The following ABLIM3 variants were observed in gnomAD, a reference collection of about 807,000 sequenced individuals.
ABLIM3 encodes the protein actin-binding LIM protein 3.
Under a neutral mutation model 109.5 loss-of-function variants are expected in ABLIM3, and 61 were observed. That is an observed-to-expected ratio of 0.56 (90% CI 0.45 to 0.69). The LOEUF is 0.69. Ranked by LOEUF, ABLIM3 falls within the 30% of genes least tolerant of loss-of-function variation. The pLI is 0.00. For synonymous variants in ABLIM3, 300 were observed against 324.8 expected, an observed-to-expected ratio of 0.92 and a Z score of 0.82; for missense variants, 796 against 889.5, an observed-to-expected ratio of 0.89 and a Z score of 1.34.
At chr5:149,176,085 CA>C (rs1242909412) in intron 2 of ABLIM3, among the ~76,000 whole-genome samples, 1 of 152,172 alleles carries the variant, frequency 6.6e-6, no homozygotes, top group Non-Finnish European at 1.5e-5. Context: ...TGAAAGGACC[CA>C]GGGGTTCCCA....
In ABLIM3 at chr5:149,186,224, G is replaced by A. The variant is rs1285773792; in HGVS notation, c.151+2635G>A. 2.6e-5 allele frequency among the ~76,000 whole-genome samples: 4 copies of A among 152,056 alleles called. No homozygotes were observed. In the East Asian group the frequency reaches 7.7e-4, roughly 29 times the overall value. On this transcript the variant is annotated intron_variant, in intron 3 of 23. Transcript: ENST00000309868. ...AGGTCAGGAGTTTGAGACCAGCCTGGCCAACATGGTGAAACCCCACCTCTA... is the reference window on the plus strand; with the variant it reads ...AGGTCAGGAGTTTGAGACCAGCCTGACCAACATGGTGAAACCCCACCTCTA...
intron 12 of ABLIM3, 118 bp from the exon 13 acceptor site, chr5:149,239,641 T>G: frequency 7.1e-7 from 1 of 1,416,456 alleles, no homozygotes. Context: ...GGTCTCTGTA[T>G]TCACACCTCA....
At chr5:149,174,857 C>A (rs1241723671) in intron 2 of ABLIM3, 1 of 152,248 alleles carries the variant, frequency 6.6e-6, no homozygotes, top group African/African-American at 2.4e-5. Context: ...CAAATTCTCA[C>A]ATATAAAATG....
chr5:149,181,083 T>G (rs1016346590), intron 2 of ABLIM3, among the ~76,000 whole-genome samples: 12 of 152,192 alleles, frequency 7.9e-5, no homozygotes, highest in Admixed American at 7.2e-4. Flanking sequence ...TTAATGATGA[T>G]GATTGTACTA....
chr5:149,197,397 CCTT>C (rs1056223405), intron 3 of ABLIM3, among the ~76,000 whole-genome samples: 2 of 152,148 alleles, frequency 1.3e-5, no homozygotes, highest in Admixed American at 6.5e-5. Context: ...GACAAGGCTT[CCTT>C]CTTCTACCTC....
chr5:149,258,470 C>G lies in ABLIM3; in HGVS notation c.*66C>G. The G allele has an allele frequency of 1.3e-6, 2 of 1,514,170 alleles. No individual in the cohort carries two copies. The highest frequency in any genetic ancestry group is 2.5e-5 in the East Asian group (1 of 39,942). The allele number at this position is 1,514,170 out of a possible 1,614,324, so 93.8% of individuals were successfully genotyped here. On this transcript the variant is annotated 3_prime_UTR_variant, in exon 24 of 24. Transcript: ENST00000309868. Reference sequence around the variant, plus strand: ...TATGTAAAATCTCTCTACTGAAGCTCGGTATAATCCTCTCTTGTGTAATGG... The same window carrying G: ...TATGTAAAATCTCTCTACTGAAGCTGGGTATAATCCTCTCTTGTGTAATGG...
chr5:149,180,454 G>C (rs1224513282), intron 2 of ABLIM3, among the ~76,000 whole-genome samples: 2 of 152,104 alleles, frequency 1.3e-5, no homozygotes, highest in Non-Finnish European at 2.9e-5. Flanking sequence ...TGGCTTCCAG[G>C]GCAGGAGCAG....
At chr5:149,167,676 G>A (rs1754953999) in intron 2 of ABLIM3, among the ~76,000 whole-genome samples, 1 of 152,094 alleles carries the variant, frequency 6.6e-6, no homozygotes, top group African/African-American at 2.4e-5. Flanking sequence ...TCAGAATTAG[G>A]ACTAGAGAGA....
chr5:149,160,656 GT>G (rs1262835278), intron 2 of ABLIM3, among the ~76,000 whole-genome samples: 1 of 152,144 alleles, frequency 6.6e-6, no homozygotes, highest in Non-Finnish European at 1.5e-5. Flanking sequence ...TGTCACTGTA[GT>G]GTGCTCACTC....
chr5:149,160,866 T>C (rs1427668630), intron 2 of ABLIM3, among the ~76,000 whole-genome samples: 1 of 152,214 alleles, frequency 6.6e-6, no homozygotes, highest in Non-Finnish European at 1.5e-5. Flanking sequence ...GGAATTGTCC[T>C]CCATCTCCAG....
At chr5:149,141,969 G>T (rs908719933) in intron 1 of ABLIM3, 40 bp from the exon 2 acceptor site, 3 of 1,345,248 alleles carry the variant, frequency 2.2e-6, no homozygotes, top group Non-Finnish European at 1.1e-6. Context: ...GAGCACCTGA[G>T]GATACAGAGC....
At chr5:149,192,853 A>G (rs1757628521) in intron 3 of ABLIM3, among the ~76,000 whole-genome samples, 1 of 145,182 alleles carries the variant, frequency 6.9e-6, no homozygotes, top group African/African-American at 2.9e-5. Flanking sequence ...CCTGAATTTC[A>G]AGTCTGTAGA....
chr5:149,142,008 G>A lies in ABLIM3; in HGVS notation c.-87-1G>A. On this transcript the variant is annotated splice_acceptor_variant, in intron 1 of 23. Transcript: ENST00000309868. LOFTEE classifies it low-confidence loss of function (5UTR_SPLICE). Reference sequence around the variant, plus strand: ...CACTGGACTGCCTTTTCACCCCCCAGGTGATGAGTGAGGTTCGAAGAACGG... The same window carrying A: ...CACTGGACTGCCTTTTCACCCCCCAAGTGATGAGTGAGGTTCGAAGAACGG... The A allele has an allele frequency of 2.5e-6, 4 of 1,599,470 alleles. No individual in the cohort carries two copies. The South Asian group carries it at 4.4e-5, about 18-fold the overall frequency.
chr5:149,141,817 A>C, intron 1 of ABLIM3, 163 bp downstream of exon 1: 1 of 511,584 alleles, frequency 2.0e-6, no homozygotes, highest in Non-Finnish European at 3.5e-6. Flanking sequence ...TCTGCCCGGG[A>C]TTCCAATCTG....
At chr5:149,226,934 G>T (rs548303338) in intron 8 of ABLIM3, among the ~76,000 whole-genome samples, 1 of 152,190 alleles carries the variant, frequency 6.6e-6, no homozygotes, top group South Asian at 2.1e-4. Flanking sequence ...GCCGGGTGTT[G>T]TAGTGCATGT....
intron 11 of ABLIM3, among the ~76,000 whole-genome samples, chr5:149,238,576 C>T (rs1046059910): frequency 2.0e-5 from 3 of 152,212 alleles, no homozygotes; most frequent in Non-Finnish European, 4.4e-5. Context: ...TGTTTTGTTT[C>T]ACTCACAAAG....
At chr5:149,230,092 A>G (rs912090019) in intron 8 of ABLIM3, among the ~76,000 whole-genome samples, 4 of 152,102 alleles carry the variant, frequency 2.6e-5, no homozygotes, top group Non-Finnish European at 5.9e-5. Flanking sequence ...TTTTATCCAC[A>G]CTGTCATTTA....
intron 2 of ABLIM3, among the ~76,000 whole-genome samples, chr5:149,151,666 A>G (rs964685007): frequency 7.9e-5 from 12 of 152,338 alleles, no homozygotes; most frequent in African/African-American, 2.6e-4. Flanking sequence ...AGGTCCCCAC[A>G]TGGGAAGACC....
At chr5:149,204,483 A>C (rs1758779489) in intron 5 of ABLIM3, among the ~76,000 whole-genome samples, 1 of 152,222 alleles carries the variant, frequency 6.6e-6, no homozygotes, top group Non-Finnish European at 1.5e-5. Context: ...CAGCAGTATA[A>C]TATAAAAAGA....
Sources: allele counts gnomAD v4.1 joint callset (sites outside exome capture counted in the v4.1 genomes callset), GRCh38; gene constraint gnomAD v4.1.1; transcripts MANE v1.5; gene names NCBI Gene and HGNC (gene_info 2026-07-23, HGNC 2026-07-21).